The following AGL variants were observed in gnomAD, a reference collection of about 807,000 sequenced individuals.
The protein encoded by AGL is glycogen debranching enzyme.
Under a neutral mutation model 199.3 loss-of-function variants are expected in AGL, and 128 were observed. The ratio of observed to expected loss-of-function variants is 0.64; its 90% CI spans 0.56 to 0.74. The LOEUF (loss-of-function observed/expected upper bound fraction) is 0.74. AGL is among the 30% of genes least tolerant of loss of function. AGL has a pLI of 0.00. For missense variants in AGL, 1,809 were observed against 1,820.8 expected (o/e 0.99, Z 0.12); for synonymous variants, 584 against 594.7 (o/e 0.98, Z 0.26).
At position 99,921,753 on chromosome 1, in the gene AGL, C is replaced by T; in HGVS notation, c.*102C>T. The T allele has an allele frequency of 1.3e-6, 1 of 748,532 alleles. No homozygotes were observed. The highest frequency in any genetic ancestry group is 2.2e-6 in the Non-Finnish European group (1 of 454,370). The allele number at this position is 748,532 out of a possible 1,614,324, so 46.4% of individuals were successfully genotyped here. On this transcript the variant is annotated 3_prime_UTR_variant, in exon 34 of 34. Coordinates refer to ENST00000361915, the MANE Select transcript of AGL (RefSeq NM_000642.3). ...CAGGCTCAAGTTGTTTTAAAAATCT[C>T]ATTTATTATAATATTGATGCTCAAT...
rs1652914200 is a variant in AGL at position 99,891,702 on chromosome 1, A to T, written c.3046A>T (p.Thr1016Ser). The stretch of plus-strand genomic sequence containing the variant: ...TGATGCTATATTAATTGGTGCATAT[A>T]CCACTCTTCTGGATACAGCATGGAA... ...YFDAILIGAY[T>S]TLLDTAWKQM... Residue 1016 changes from threonine to serine, a missense_variant, in exon 23 of 34, where the codon ACC becomes TCC. Coordinates refer to ENST00000361915, the MANE Select transcript of AGL (RefSeq NM_000642.3). 3.7e-6 allele frequency: 6 copies of T among 1,613,644 alleles called. No homozygotes were observed. Among genetic ancestry groups the T allele is most frequent in the Non-Finnish European group, 5.1e-6 (6 of 1,179,652 alleles).
At position 99,900,890 on chromosome 1, in the gene AGL, GTTTTTTTTTT is replaced by G. The variant is rs35956186; in HGVS notation, c.3588+35_3588+44del. The G allele has an allele frequency of 8.4e-6, 11 of 1,307,746 alleles. No homozygotes were observed. In the East Asian group the frequency reaches 2.4e-4, roughly 29 times the overall value. 81.0% of individuals were successfully genotyped at this position (1,307,746 alleles called of 1,614,324 possible). On this transcript the variant is annotated intron_variant, in intron 26 of 33. Coordinates refer to ENST00000361915, the MANE Select transcript of AGL (RefSeq NM_000642.3). ...AAGATATTTCTTAAAATGTTTTTTT[GTTTTTTTTTT>G]TTTTTCTGAAAAATGACTTTTAGTT... is the stretch of plus-strand genomic sequence containing the variant.
At chr1:99,866,809 T>TTTATTTAC (rs1354788510) in intron 5 of AGL, among the ~76,000 whole-genome samples, 1 of 97,200 alleles carries the variant, frequency 1.0e-5, no homozygotes, top group Non-Finnish European at 1.9e-5. Context: ...CTTTTATTTA[T>TTTATTTAC]TTATTTTATT....
chr1:99,850,471 G>A (rs1648862680), intron 1 of AGL, 56 bp downstream of exon 1: 1 of 155,058 alleles, frequency 6.4e-6, no homozygotes, highest in African/African-American at 2.4e-5. Context: ...TCTATCTATA[G>A]CTCGCTCTGT....
At chr1:99,884,827 G>T in intron 20 of AGL, 124 bp downstream of exon 20, 3 of 1,164,632 alleles carry the variant, frequency 2.6e-6, no homozygotes, top group Non-Finnish European at 3.8e-6. Context: ...AGGACCAGCA[G>T]TGTCAGCATC....
Position 99,910,704 on chromosome 1 carries a change from T to C in AGL, c.3701-8T>C. Reference sequence around the variant, plus strand: ...AAAATTTTATTTTATACACATTTTGTTTTTTAGGTTTTAATATAACTGCAG... The same window carrying C: ...AAAATTTTATTTTATACACATTTTGCTTTTTAGGTTTTAATATAACTGCAG... On this transcript the variant is annotated splice_polypyrimidine_tract_variant and splice_region_variant and intron_variant, in intron 27 of 33. Coordinates refer to ENST00000361915, the MANE Select transcript of AGL (RefSeq NM_000642.3). The C allele has an allele frequency of 6.4e-7, 1 of 1,555,630 alleles. No individual in the cohort carries two copies. The highest frequency in any genetic ancestry group is 8.8e-7 in the Non-Finnish European group (1 of 1,135,254).
intron 30 of AGL, among the ~76,000 whole-genome samples, chr1:99,914,621 C>G (rs1012168474): frequency 1.3e-5 from 2 of 152,142 alleles, no homozygotes; most frequent in East Asian, 3.9e-4. Context: ...TATTCTTGGT[C>G]AACAATGCTT....
chr1:99,854,723 C>T (rs944394265), intron 2 of AGL, among the ~76,000 whole-genome samples: 1 of 148,888 alleles, frequency 6.7e-6, no homozygotes, highest in Admixed American at 6.7e-5. Context: ...GAGATTGCGC[C>T]ACTGCACTCC....
Position 99,883,096 on chromosome 1 carries a change from G to A in AGL, c.2309-1024G>A, listed in dbSNP as rs868014330. 7.2e-5 allele frequency among the ~76,000 whole-genome samples: 11 copies of A among 152,106 alleles called. 1 individual carries two copies. The Middle Eastern group carries it at 0.02, about 282-fold the overall frequency. The stretch of plus-strand genomic sequence containing the variant: ...TTTTTATTTTGTTAAATGTTCGTAC[G>A]TTCTGTTATTATGCCCTTTTAAATA... On this transcript the variant is annotated intron_variant, in intron 17 of 33. Coordinates refer to ENST00000361915, the MANE Select transcript of AGL (RefSeq NM_000642.3).
At chr1:99,850,650 G>A (rs1419900609) in intron 1 of AGL, 2 of 251,756 alleles carry the variant, frequency 7.9e-6, no homozygotes, top group African/African-American at 4.6e-5. Context: ...AGTCTCCAGA[G>A]CCCTGTGGCT....
intron 25 of AGL, among the ~76,000 whole-genome samples, chr1:99,898,299 T>G (rs1230047076): frequency 2.0e-5 from 3 of 151,972 alleles, no homozygotes; most frequent in Non-Finnish European, 2.9e-5. Flanking sequence ...GCCTGCCTCA[T>G]CCTCCCAAAG....
At chr1:99,899,036 C>G (rs1653577081) in intron 25 of AGL, among the ~76,000 whole-genome samples, 1 of 152,040 alleles carries the variant, frequency 6.6e-6, no homozygotes, top group Non-Finnish European at 1.5e-5. Flanking sequence ...CTTGAGTCCA[C>G]AAGTTCAAGA....
At chr1:99,851,229 A>C (rs1648927267) in intron 2 of AGL, 105 bp downstream of exon 2, 6 of 1,059,328 alleles carry the variant, frequency 5.7e-6, no homozygotes, top group Non-Finnish European at 8.8e-6. Context: ...TATTATTTCC[A>C]AGGGTCTAAA....
At chr1:99,900,050 C>T (rs1372748144) in intron 25 of AGL, among the ~76,000 whole-genome samples, 1 of 152,024 alleles carries the variant, frequency 6.6e-6, no homozygotes, top group Non-Finnish European at 1.5e-5. Flanking sequence ...TTGCCTAAGC[C>T]TTCTGAGTAG....
Position 99,876,600 on chromosome 1 carries a change from A to G in AGL, c.1423+3A>G, listed in dbSNP as rs766117687. ...TCTTCGAAACTTTGCTGAACCGGGT[A>G]TGTAATTTTTAACTTCTCTGTGGAT... On this transcript the variant is annotated splice_donor_region_variant and intron_variant, in intron 11 of 33. Coordinates refer to ENST00000361915, the MANE Select transcript of AGL (RefSeq NM_000642.3). 389 of 1,613,864 alleles carry G rather than the reference A, an allele frequency of 2.4e-4. No homozygotes were observed. The highest frequency in any genetic ancestry group is 3.1e-4 in the Non-Finnish European group (366 of 1,179,928).
chr1:99,899,724 C>A (rs374778263), intron 25 of AGL, among the ~76,000 whole-genome samples: 3 of 151,808 alleles, frequency 2.0e-5, no homozygotes, highest in African/African-American at 7.3e-5. Flanking sequence ...TGGTTCACGC[C>A]GTTCTCCTGC....
At chr1:99,854,621 G>T (rs917354505) in intron 2 of AGL, among the ~76,000 whole-genome samples, 3 of 151,686 alleles carry the variant, frequency 2.0e-5, no homozygotes, top group African/African-American at 7.3e-5. Context: ...AAAATTAGCC[G>T]GGCCTGGTGG....
chr1:99,888,133 G>C (rs758542087), intron 21 of AGL, 25 bp downstream of exon 21: 1 of 1,610,734 alleles, frequency 6.2e-7, no homozygotes, highest in East Asian at 2.2e-5. Flanking sequence ...GGATAGCTGA[G>C]CTTTGTGTTT....
At chr1:99,886,808 T>G (rs1004067141) in intron 20 of AGL, among the ~76,000 whole-genome samples, 8 of 152,232 alleles carry the variant, frequency 5.3e-5, no homozygotes, top group Admixed American at 1.3e-4. Flanking sequence ...AACTCCTAAT[T>G]CAAACTATTC....
Sources: allele counts gnomAD v4.1 joint callset (sites outside exome capture counted in the v4.1 genomes callset), GRCh38; gene constraint gnomAD v4.1.1; transcripts MANE v1.5; gene names NCBI Gene and HGNC (gene_info 2026-07-23, HGNC 2026-07-21).